Variants in AKAP9 observed in about 807,000 individuals in gnomAD.
The protein encoded by AKAP9 is A-kinase anchoring protein 9.
Under a neutral mutation model 488.5 loss-of-function variants are expected in AKAP9, and 311 were observed. The ratio of observed to expected loss-of-function variants is 0.64; its 90% CI spans 0.58 to 0.70. The LOEUF is 0.70. AKAP9 is among the 30% of genes least tolerant of loss of function. The probability of loss-of-function intolerance (pLI) is 0.00; values close to 1 mark genes in which losing one functional copy is unlikely to be tolerated. For missense variants in AKAP9, 4,215 were observed against 4,374.5 expected (o/e 0.96, Z 1.03); for synonymous variants, 1,462 against 1,483.5 (o/e 0.99, Z 0.33).
At chr7:92,077,441 C>A (rs568022986) in intron 29 of AKAP9, among the ~76,000 whole-genome samples, 1 of 152,096 alleles carries the variant, frequency 6.6e-6, no homozygotes, top group African/African-American at 2.4e-5. Flanking sequence ...AAATAATACT[C>A]AACAGAGGAA....
intron 26 of AKAP9, among the ~76,000 whole-genome samples, chr7:92,068,462 G>A (rs559333702): frequency 3.6e-4 from 54 of 151,412 alleles, no homozygotes; most frequent in African/African-American, 1.2e-3. Flanking sequence ...AAAAGTAGTC[G>A]TTTGTTGTAC....
chr7:92,066,415 A>T lies in AKAP9; in HGVS notation c.6211-12A>T, dbSNP rs1294568050. 1 of 1,612,744 alleles carries T rather than the reference A, an allele frequency of 6.2e-7. No individual in the cohort carries two copies. Among genetic ancestry groups the T allele is most frequent in the Non-Finnish European group, 8.5e-7 (1 of 1,179,008 alleles). ...TTCTTCAGCTACTATCATTATTGTC[A>T]TTAAACTTTAGGAGCAAGCCATTGA... is the stretch of plus-strand genomic sequence containing the variant. On this transcript the variant is annotated splice_polypyrimidine_tract_variant and intron_variant, in intron 25 of 49. Coordinates refer to ENST00000356239, the MANE Select transcript of AKAP9 (RefSeq NM_005751.5).
intron 14 of AKAP9, 42 bp downstream of exon 14, chr7:92,023,051 T>C: frequency 6.3e-7 from 1 of 1,576,202 alleles, no homozygotes; most frequent in Non-Finnish European, 8.7e-7. Context: ...TATTTGTAGC[T>C]TTGTAACAAT....
At position 92,110,221 on chromosome 7, in the gene AKAP9, T is replaced by A; in HGVS notation, c.*62T>A. The A allele has an allele frequency of 7.6e-7, 1 of 1,319,732 alleles. No homozygotes were observed. Among genetic ancestry groups the A allele is most frequent in the Admixed American group, 1.9e-5 (1 of 53,142 alleles). The allele number at this position is 1,319,732 out of a possible 1,614,324, so 81.8% of individuals were successfully genotyped here. ...AGATTTCCTTTTGTAAATCAATGGT[T>A]CTTTTGTGCTTTTGTATTGTGAATA... On this transcript the variant is annotated 3_prime_UTR_variant, in exon 50 of 50. Coordinates refer to ENST00000356239, the MANE Select transcript of AKAP9 (RefSeq NM_005751.5).
intron 1 of AKAP9, among the ~76,000 whole-genome samples, chr7:91,941,452 T>G (rs1790749067): frequency 6.6e-6 from 1 of 152,266 alleles, no homozygotes; most frequent in South Asian, 2.1e-4. Flanking sequence ...TAGTTGCTTC[T>G]AAACCTCCGA....
chr7:92,074,834 G>A (rs1318984019), intron 28 of AKAP9, among the ~76,000 whole-genome samples: 1 of 152,098 alleles, frequency 6.6e-6, no homozygotes, highest in Non-Finnish European at 1.5e-5. Context: ...GACACAGGGA[G>A]GGAAACATCA....
Position 92,110,307 on chromosome 7 carries a change from A to C in AKAP9, c.*148A>C. 55 of 659,302 alleles carry C rather than the reference A, an allele frequency of 8.3e-5. No individual in the cohort carries two copies. The Middle Eastern group carries it at 1.6e-3, about 19-fold the overall frequency. The allele number at this position is 659,302 out of a possible 1,614,324, so 40.8% of individuals were successfully genotyped here. ...TATACAAATCCCTTGCCAGCACATG[A>C]AAACAAACTGGAATTTGTATATATA... On this transcript the variant is annotated 3_prime_UTR_variant, in exon 50 of 50. Transcript: ENST00000356239.
chr7:92,101,916 G>A (rs1477002440), intron 45 of AKAP9, among the ~76,000 whole-genome samples: 1 of 152,086 alleles, frequency 6.6e-6, no homozygotes, highest in Non-Finnish European at 1.5e-5. Context: ...CAGCACTTCG[G>A]GAGGCCAAGG....
In AKAP9 at chr7:92,062,506, G is replaced by T. The variant is rs754291939; in HGVS notation, c.5977+20G>T. On this transcript the variant is annotated intron_variant, in intron 24 of 49. Transcript: ENST00000356239. ...AACAACGTAAGTATTTTCAGAATTT[G>T]TATGAAACAGTCCTCTGATTTTATT... 2.1e-5 allele frequency: 33 copies of T among 1,596,580 alleles called. No individual in the cohort carries two copies. In the South Asian group the frequency reaches 3.5e-4, roughly 17 times the overall value.
At position 92,098,228 on chromosome 7, in the gene AKAP9, A is replaced by G. The variant is rs1816943683; in HGVS notation, c.10713+14A>G. On this transcript the variant is annotated intron_variant, in intron 43 of 49. Coordinates refer to ENST00000356239, the MANE Select transcript of AKAP9 (RefSeq NM_005751.5). The stretch of plus-strand genomic sequence containing the variant: ...CAAGGTGAAGAGGTAATACTTTTTA[A>G]AAGTTATTTCTGAAGCATTGAGAGC... The G allele has an allele frequency of 2.6e-6, 4 of 1,520,786 alleles. No individual in the cohort carries two copies. Among genetic ancestry groups the G allele is most frequent in the East Asian group, 2.3e-5 (1 of 44,304 alleles). 94.2% of individuals were successfully genotyped at this position (1,520,786 alleles called of 1,614,324 possible). A position where few individuals can be genotyped will look rare whatever the true frequency, so the allele number is the denominator to read the frequency against.
intron 39 of AKAP9, among the ~76,000 whole-genome samples, chr7:92,094,458 G>A (rs1454848357): frequency 6.6e-6 from 1 of 151,908 alleles, no homozygotes; most frequent in African/African-American, 2.4e-5. Flanking sequence ...ACTTGAACCC[G>A]GGAGGCGGAG....
chr7:92,003,365 T>G, intron 8 of AKAP9, 130 bp downstream of exon 8: 1 of 716,338 alleles, frequency 1.4e-6, no homozygotes, highest in South Asian at 2.0e-5. Flanking sequence ...TGATGTAATT[T>G]TAACTTGAGC....
chr7:92,065,164 C>G (rs1031273903), intron 24 of AKAP9, 67 bp from the exon 25 acceptor site: 53 of 1,067,624 alleles, frequency 5.0e-5, no homozygotes, highest in Non-Finnish European at 6.5e-5. Context: ...ACATAGTTAT[C>G]AGGGATTTCA....
rs764906759 is a variant in AKAP9 at position 92,002,845 on chromosome 7, A to G, written c.2928A>G (p.Leu976=). ...LKQKHGEISF[L]NEEVKSLKQE... ...AGAAACATGGTGAGATTAGTTTTCT[A>G]AATGAAGAAGTTAAATCTTTAAAGC... Residue 976 remains leucine (L), a synonymous_variant, in exon 8 of 50, where the codon CTA becomes CTG. Transcript: ENST00000356239. 1.2e-6 allele frequency: 2 copies of G among 1,613,428 alleles called. No individual in the cohort carries two copies.
intron 22 of AKAP9, among the ~76,000 whole-genome samples, chr7:92,058,914 C>T (rs1397755897): frequency 1.3e-5 from 2 of 151,968 alleles, no homozygotes; most frequent in East Asian, 3.8e-4. Flanking sequence ...GCCTCGTAAT[C>T]TTGTGGAACA....
In AKAP9 at chr7:92,070,907, A is replaced by T; in HGVS notation, c.6510A>T (p.Val2170=). ...LLVSADTFQK[V]EDRKHFGAVE... ...AGAAAATTTTTATATATTTAAAGGTAGAGGACCGAAAACACTTTGGAGCTG... is the reference window on the plus strand; with the variant it reads ...AGAAAATTTTTATATATTTAAAGGTTGAGGACCGAAAACACTTTGGAGCTG... The change falls in exon 28 of 50, where the codon GTA becomes GTT. Residue 2170 remains valine (V), a splice_region_variant and synonymous_variant. Coordinates refer to ENST00000356239, the MANE Select transcript of AKAP9 (RefSeq NM_005751.5). 1 of 1,608,512 alleles carries T rather than the reference A, an allele frequency of 6.2e-7. No homozygotes were observed. Among genetic ancestry groups the T allele is most frequent in the South Asian group, 1.1e-5 (1 of 90,922 alleles).
At chr7:92,060,689 G>C (rs554685733) in intron 22 of AKAP9, among the ~76,000 whole-genome samples, 11 of 152,096 alleles carry the variant, frequency 7.2e-5, no homozygotes, top group Non-Finnish European at 1.5e-4. Context: ...GGAGCTTTAG[G>C]TGTTTCACAA....
chr7:92,083,086 A>G, intron 32 of AKAP9, 84 bp from the exon 33 acceptor site: 1 of 1,493,512 alleles, frequency 6.7e-7, no homozygotes, highest in East Asian at 2.3e-5. Context: ...CATGAATTAC[A>G]TTCCTCCCAC....
intron 1 of AKAP9, among the ~76,000 whole-genome samples, chr7:91,950,832 A>G (rs891429590): frequency 1.3e-5 from 2 of 152,248 alleles, no homozygotes; most frequent in South Asian, 2.1e-4. Context: ...CTAGGAGTTT[A>G]TATATGAAAT....
Sources: gnomAD v4.1 joint callset for allele counts (sites outside exome capture counted in the v4.1 genomes callset) on GRCh38, gnomAD v4.1.1 for gene constraint, MANE v1.5 for transcripts, NCBI Gene and HGNC (gene_info 2026-07-23, HGNC 2026-07-21) for gene names.